The following CSMD1 variants were observed in gnomAD, a reference collection of about 807,000 sequenced individuals.
CSMD1 encodes the protein CUB and Sushi multiple domains 1, also known as CUB and sushi domain-containing protein 1.
In CSMD1, 213 loss-of-function variants were observed where a neutral mutation model predicts 417.5. The observed-to-expected ratio is 0.51, with a 90% CI of 0.46 to 0.57. The LOEUF (loss-of-function observed/expected upper bound fraction) is 0.57, where lower values mean the gene tolerates loss of function less well. Among genes scored for constraint, CSMD1 ranks in the 20% least tolerant of loss-of-function variants. The pLI is 0.00. For synonymous variants in CSMD1, 2,862 were observed against 1,736.8 expected (o/e 1.65, Z -16.11); for missense variants, 6,923 against 4,529.7 (o/e 1.53, Z -15.17).
intron 52 of CSMD1, among the ~76,000 whole-genome samples, chr8:3,005,908 G>T (rs1332089322): frequency 6.6e-6 from 1 of 152,062 alleles, no homozygotes; most frequent in Non-Finnish European, 1.5e-5. Context: ...CATAGTGTCG[G>T]AAGTTCTGGC....
At chr8:3,694,156 AG>A (rs1800415139) in intron 7 of CSMD1, among the ~76,000 whole-genome samples, 1 of 151,766 alleles carries the variant, frequency 6.6e-6, no homozygotes, top group Non-Finnish European at 1.5e-5. Context: ...CATGCTGGAG[AG>A]GGGCTCACAG....
At chr8:4,322,331 G>C (rs1015841372) in intron 3 of CSMD1, among the ~76,000 whole-genome samples, 2 of 148,752 alleles carry the variant, frequency 1.3e-5, no homozygotes, top group Non-Finnish European at 3.0e-5. Context: ...ACTTTTTTTT[G>C]CAACAATCTG....
chr8:4,847,434 G>C lies in CSMD1; in HGVS notation c.85+146898C>G, dbSNP rs556113042. Among the ~76,000 whole-genome samples the C allele has an allele frequency of 5.3e-5, 8 of 152,154 alleles. No homozygotes were observed. The South Asian group carries it at 1.7e-3, about 32-fold the overall frequency. ...AATTTCAAACACTTTTGGATTTACA[G>C]AAAAATTGTGTAGATTGTACAGAGA... On this transcript the variant is annotated intron_variant, in intron 1 of 69. Coordinates refer to ENST00000635120, the MANE Select transcript of CSMD1 (RefSeq NM_033225.6).
At chr8:4,463,589 G>A (rs1799973280) in intron 2 of CSMD1, among the ~76,000 whole-genome samples, 1 of 152,014 alleles carries the variant, frequency 6.6e-6, no homozygotes, top group South Asian at 2.1e-4. Flanking sequence ...GAAGTGAACT[G>A]CCGATTTATT....
chr8:3,821,025 T>C (rs551639600), intron 5 of CSMD1, among the ~76,000 whole-genome samples: 1 of 152,174 alleles, frequency 6.6e-6, no homozygotes, highest in Non-Finnish European at 1.5e-5. Flanking sequence ...CAAGCGATTC[T>C]CCCGCCTCAG....
chr8:4,466,944 G>A (rs1406270408), intron 2 of CSMD1, among the ~76,000 whole-genome samples: 1 of 151,822 alleles, frequency 6.6e-6, no homozygotes, highest in Non-Finnish European at 1.5e-5. Flanking sequence ...AATTTCCTGT[G>A]AACATTTCTT....
intron 42 of CSMD1, among the ~76,000 whole-genome samples, chr8:3,111,702 C>T (rs1230200061): frequency 1.3e-5 from 2 of 152,050 alleles, no homozygotes; most frequent in East Asian, 3.9e-4. Flanking sequence ...CGTGGTGGTG[C>T]ACGCCTGTAA....
chr8:3,440,352 G>A (rs192789128), intron 12 of CSMD1, among the ~76,000 whole-genome samples: 30 of 152,208 alleles, frequency 2.0e-4, no homozygotes, highest in Admixed American at 1.7e-3. Context: ...CAGTCTATGA[G>A]TCCTATACAT....
intron 49 of CSMD1, among the ~76,000 whole-genome samples, chr8:3,059,414 C>T (rs1812444505): frequency 6.6e-6 from 1 of 152,116 alleles, no homozygotes; most frequent in African/African-American, 2.4e-5. Context: ...ATCCTCAGGA[C>T]AGCCTCTCAG....
At chr8:4,125,512 C>G (rs941844979) in intron 3 of CSMD1, among the ~76,000 whole-genome samples, 1 of 152,186 alleles carries the variant, frequency 6.6e-6, no homozygotes, top group East Asian at 1.9e-4. Flanking sequence ...GTCGGCCGGA[C>G]CTCCTGAGAC....
In CSMD1 at chr8:3,801,169, G is replaced by T. The variant is rs544554350; in HGVS notation, c.819-47127C>A. Among the ~76,000 whole-genome samples the T allele has an allele frequency of 3.1e-3, 477 of 151,478 alleles. 1 individual carries two copies. The highest frequency in any genetic ancestry group is 5.4e-3 in the Non-Finnish European group (364 of 67,812). Reference sequence around the variant, plus strand: ...GCTGCAAAGGATACCACCAAGAAAAGATAGTCCACATAATGAGAGAAAATA... The same window carrying T: ...GCTGCAAAGGATACCACCAAGAAAATATAGTCCACATAATGAGAGAAAATA... On this transcript the variant is annotated intron_variant, in intron 5 of 69. Coordinates refer to ENST00000635120, the MANE Select transcript of CSMD1 (RefSeq NM_033225.6).
intron 62 of CSMD1, among the ~76,000 whole-genome samples, chr8:2,959,085 G>T (rs1252944743): frequency 3.3e-5 from 5 of 152,152 alleles, no homozygotes; most frequent in Admixed American, 3.3e-4. Context: ...ATTTACTCTT[G>T]ATTGATTGAT....
chr8:3,007,724 G>C (rs892397546), intron 52 of CSMD1, among the ~76,000 whole-genome samples: 1 of 142,906 alleles, frequency 7.0e-6, no homozygotes, highest in Non-Finnish European at 1.5e-5. Context: ...TGAACAGTGA[G>C]ATCACATGGA....
intron 5 of CSMD1, among the ~76,000 whole-genome samples, chr8:3,829,027 TA>T (rs752944231): frequency 6.6e-6 from 1 of 151,234 alleles, no homozygotes; most frequent in East Asian, 2.0e-4. Context: ...TCTTTTTTTT[TA>T]AAAAAATGTA....
intron 1 of CSMD1, among the ~76,000 whole-genome samples, chr8:4,992,205 A>G (rs1356512228): frequency 6.6e-6 from 1 of 151,662 alleles, no homozygotes; most frequent in Non-Finnish European, 1.5e-5. Context: ...CCCGCCCACT[A>G]CCTGGCCCTC....
intron 47 of CSMD1, among the ~76,000 whole-genome samples, chr8:3,095,432 T>C (rs1356153444): frequency 2.0e-5 from 3 of 152,196 alleles, no homozygotes; most frequent in African/African-American, 7.2e-5. Flanking sequence ...ATAATGTATG[T>C]TTGTTTTAAT....
intron 3 of CSMD1, among the ~76,000 whole-genome samples, chr8:4,140,041 G>A (rs1255900134): frequency 1.3e-5 from 2 of 150,788 alleles, no homozygotes; most frequent in Non-Finnish European, 2.9e-5. Context: ...AAGGATAGAA[G>A]ACACATTTGA....
chr8:4,420,905 C>T (rs1243025173), intron 2 of CSMD1, among the ~76,000 whole-genome samples: 1 of 152,118 alleles, frequency 6.6e-6, no homozygotes, highest in Non-Finnish European at 1.5e-5. Context: ...TCCTAGGAGC[C>T]CTCCTCCCTC....
At chr8:3,526,151 A>C (rs1402828534) in intron 10 of CSMD1, among the ~76,000 whole-genome samples, 1 of 152,194 alleles carries the variant, frequency 6.6e-6, no homozygotes, top group Non-Finnish European at 1.5e-5. Context: ...GCAAGTTTCA[A>C]TTAATTCAGA....
Sources: allele counts gnomAD v4.1 joint callset (sites outside exome capture counted in the v4.1 genomes callset), GRCh38; gene constraint gnomAD v4.1.1; transcripts MANE v1.5; gene names NCBI Gene and HGNC (gene_info 2026-07-23, HGNC 2026-07-21).